Variants in KIF13A observed in about 807,000 individuals in gnomAD.
The protein encoded by KIF13A is kinesin family member 13A, also known as kinesin-like protein KIF13A.
A neutral mutation model predicts 212.2 loss-of-function variants in KIF13A; 79 were observed. The observed-to-expected ratio is 0.37, with a 90% CI of 0.31 to 0.45. The LOEUF (loss-of-function observed/expected upper bound fraction) is 0.45, where lower values mean the gene tolerates loss of function less well. Among genes scored for constraint, KIF13A ranks in the 20% least tolerant of loss-of-function variants. The pLI is 1.00. For missense variants in KIF13A, 1,901 were observed against 2,209.0 expected, an observed-to-expected ratio of 0.86 and a Z score of 2.79; for synonymous variants, 789 against 808.6, an observed-to-expected ratio of 0.98 and a Z score of 0.41.
chr6:17,828,290 A>T lies in KIF13A; in HGVS notation c.1482T>A (p.Ile494=). The part of the protein sequence containing the change: ...GIGIQPQHCE[I]DIASDGDVTL... ...TGACGTCTCCATCAGATGCAATGTC[A>T]ATCTCACAGTGCTGAGGCTGAATTC... is the stretch of plus-strand genomic sequence containing the variant. Residue 494 remains isoleucine, a synonymous_variant, in exon 14 of 39, where the codon ATT becomes ATA. Coordinates refer to ENST00000259711, the MANE Select transcript of KIF13A (RefSeq NM_022113.6). This position sits in a 1 kb window ranked among gnomAD's most constrained non-coding sequence, Gnocchi z 4.3. 1 of 1,610,674 alleles carries T rather than the reference A, an allele frequency of 6.2e-7. No individual in the cohort carries two copies.
chr6:17,773,425 C>T lies in KIF13A; in HGVS notation c.4324+53G>A. 9.5e-7 allele frequency: 1 copy of T among 1,054,494 alleles called. No homozygotes were observed. The allele number at this position is 1,054,494 out of a possible 1,614,324, so 65.3% of individuals were successfully genotyped here. A position where few individuals can be genotyped will look rare whatever the true frequency, so the allele number is the denominator to read the frequency against. ...CATTAATGAAAGACATTTTTTCATA[C>T]TTTTTCTAAGTAATTACAAAGAAAT... On this transcript the variant is annotated intron_variant, in intron 36 of 38. Transcript: ENST00000259711. The surrounding 1 kb of genome is among the most constrained non-coding windows in gnomAD (Gnocchi z 4.2).
Position 17,985,579 on chromosome 6 carries a change from G to A in KIF13A, c.146+1475C>T, listed in dbSNP as rs528478051. On this transcript the variant is annotated intron_variant, in intron 2 of 38. Transcript: ENST00000259711. ...AGTATTCTACCTGTTCCCCCAGACT[G>A]CTTTCAAGAATCTGACCCAACAGAA... Among the ~76,000 whole-genome samples, 11 of 139,440 alleles carry A rather than the reference G, an allele frequency of 7.9e-5. 1 individual carries two copies. In the East Asian group the frequency reaches 2.4e-3, roughly 30 times the overall value. 91.5% of individuals were successfully genotyped at this position (139,440 alleles called of 152,430 possible). A position where few individuals can be genotyped will look rare whatever the true frequency, so the allele number is the denominator to read the frequency against.
intron 2 of KIF13A, among the ~76,000 whole-genome samples, chr6:17,974,709 G>A (rs1013212847): frequency 2.6e-5 from 4 of 152,132 alleles, no homozygotes; most frequent in Admixed American, 1.3e-4. Flanking sequence ...AATTAAGTGA[G>A]AATCTCTGGG....
At chr6:17,862,841 G>A (rs887081484) in intron 4 of KIF13A, among the ~76,000 whole-genome samples, 4 of 152,106 alleles carry the variant, frequency 2.6e-5, no homozygotes, top group African/African-American at 9.7e-5. Context: ...CCAGCTACTC[G>A]GGAGGCTGAG....
In KIF13A at chr6:17,794,106, GA is replaced by G; in HGVS notation, c.3222+142del. On this transcript the variant is annotated intron_variant, in intron 25 of 38. Transcript: ENST00000259711. This position sits in a 1 kb window ranked among gnomAD's most constrained non-coding sequence, Gnocchi z 4.1. ...ACTAAGCAAACAGATTTTAAAGCTA[GA>G]AAAAAGGCAATGGATGGAAATGTGA... The G allele has an allele frequency of 1.7e-6, 1 of 591,058 alleles. No homozygotes were observed. Among genetic ancestry groups the G allele is most frequent in the South Asian group, 3.1e-5 (1 of 32,308 alleles). 36.6% of individuals were successfully genotyped at this position (591,058 alleles called of 1,614,324 possible).
In KIF13A at chr6:17,764,648, G is replaced by A. The variant is rs541281370; in HGVS notation, c.4880C>T (p.Thr1627Met). The A allele has an allele frequency of 6.8e-6, 11 of 1,609,876 alleles. No homozygotes were observed. The highest frequency in any genetic ancestry group is 6.8e-5 in the African/African-American group (5 of 73,524). ...GTGCTCGGTGGAGTCTGCATCCTTC[G>A]TCTGAATGGCCAGCTGGTCTGAGCT... The part of the protein sequence containing the change: ...SDSSDQLAIQ[T>M]KDADSTEHST... Residue 1627 changes from threonine to methionine, a missense_variant, in exon 39 of 39, where the codon ACG (threonine) becomes ATG (methionine). Thr to Met is a moderately conservative substitution (Grantham distance 81). Around this residue, in one of 5 missense-constraint regions of KIF13A, gnomAD observed 687 missense variants for 759.1 expected, o/e 0.90. Transcript: ENST00000259711. This position sits in a 1 kb window ranked among gnomAD's most constrained non-coding sequence, Gnocchi z 5.1.
At chr6:17,815,533 G>A in intron 17 of KIF13A, 1 of 355,174 alleles carries the variant, frequency 2.8e-6, no homozygotes, top group South Asian at 2.2e-5. Flanking sequence ...GCCCTCTAGT[G>A]GCCCTGTTTG....
At position 17,817,093 on chromosome 6, in the gene KIF13A, T is replaced by G. The variant is rs751158530; in HGVS notation, c.1927A>C (p.Ser643Arg). ...TAGGCCAGGCGGTCAGGGCCGCTAC[T>G]CTGTGGCTGCCTGTCGGGGGAGAGC... ...QQLSPDRQPQ[S>R]SGPDRLAYSS... Residue 643 changes from serine to arginine, a missense_variant, in exon 17 of 39, where the codon AGT (serine) becomes CGT (arginine). Coordinates refer to ENST00000259711, the MANE Select transcript of KIF13A (RefSeq NM_022113.6). The G allele has an allele frequency of 7.4e-6, 12 of 1,613,858 alleles. No homozygotes were observed. The highest frequency in any genetic ancestry group is 1.7e-4 in the Middle Eastern group (1 of 6,058).
chr6:17,970,916 A>C lies in KIF13A; in HGVS notation c.146+16138T>G, dbSNP rs187172788. The stretch of plus-strand genomic sequence containing the variant: ...TCTATCAAAACAGTGCAAAAAGCAA[A>C]TAAGAGATTTCCAAGGGAAAAGCTG... On this transcript the variant is annotated intron_variant, in intron 2 of 38. Coordinates refer to ENST00000259711, the MANE Select transcript of KIF13A (RefSeq NM_022113.6). Among the ~76,000 whole-genome samples, 15 of 152,368 alleles carry C rather than the reference A, an allele frequency of 9.8e-5. No individual in the cohort carries two copies. The East Asian group carries it at 2.9e-3, about 29-fold the overall frequency.
At chr6:17,948,747 G>C (rs1777622328) in intron 2 of KIF13A, among the ~76,000 whole-genome samples, 1 of 151,648 alleles carries the variant, frequency 6.6e-6, no homozygotes, top group Non-Finnish European at 1.5e-5. Flanking sequence ...TTTTTGTAGA[G>C]ATGGGGTTTC....
intron 2 of KIF13A, among the ~76,000 whole-genome samples, chr6:17,975,290 T>C (rs1780246602): frequency 6.6e-6 from 1 of 152,084 alleles, no homozygotes; most frequent in Non-Finnish European, 1.5e-5. Flanking sequence ...GAGGTGAAGG[T>C]TGCAATGAGC....
At chr6:17,957,861 GC>G (rs1187370533) in intron 2 of KIF13A, among the ~76,000 whole-genome samples, 7 of 152,170 alleles carry the variant, frequency 4.6e-5, no homozygotes. Context: ...GTGTCTCATG[GC>G]CAGACAGAGT....
intron 2 of KIF13A, among the ~76,000 whole-genome samples, chr6:17,931,479 C>T (rs1232891988): frequency 6.6e-6 from 1 of 151,418 alleles, no homozygotes; most frequent in East Asian, 1.9e-4. Flanking sequence ...ACCCTAAAAA[C>T]TCACATGTTG....
rs1758813173 is a variant in KIF13A, at chr6:17,764,991, C to G, written c.4582-45G>C. ...GTCAGTCATTAGCTCCTTGTAGCAA[C>G]TGTACTGTTGAGACAAGTTTTAAAT... On this transcript the variant is annotated intron_variant, in intron 38 of 38. Coordinates refer to ENST00000259711, the MANE Select transcript of KIF13A (RefSeq NM_022113.6). This position sits in a 1 kb window ranked among gnomAD's most constrained non-coding sequence, Gnocchi z 5.1. The G allele has an allele frequency of 7.0e-7, 1 of 1,435,948 alleles. No homozygotes were observed. Among genetic ancestry groups the G allele is most frequent in the South Asian group, 1.3e-5 (1 of 74,414 alleles). 89.0% of individuals were successfully genotyped at this position (1,435,948 alleles called of 1,614,324 possible).
At chr6:17,916,723 CACA>C (rs1267591804) in intron 2 of KIF13A, among the ~76,000 whole-genome samples, 1 of 152,118 alleles carries the variant, frequency 6.6e-6, no homozygotes, top group Middle Eastern at 3.2e-3. Flanking sequence ...TTTAGAGATT[CACA>C]ACAACAGGAA....
At chr6:17,955,905 T>C (rs1778317958) in intron 2 of KIF13A, among the ~76,000 whole-genome samples, 1 of 152,252 alleles carries the variant, frequency 6.6e-6, no homozygotes, top group South Asian at 2.1e-4. Flanking sequence ...CACTGTCTTT[T>C]ATATTTAAAG....
Position 17,987,541 on chromosome 6 carries a change from G to T in KIF13A, c.-78C>A. 1 of 786,806 alleles carries T rather than the reference G, an allele frequency of 1.3e-6. No homozygotes were observed. Among genetic ancestry groups the T allele is most frequent in the Non-Finnish European group, 1.6e-6 (1 of 637,330 alleles). The allele number at this position is 786,806 out of a possible 1,614,324, so 48.7% of individuals were successfully genotyped here. ...CCTCACGCGCGGCGCCGCCGCCGCT[G>T]CAGCCGCGCGCCCCTCGAGCGCGGC... On this transcript the variant is annotated 5_prime_UTR_variant, in exon 1 of 39. Transcript: ENST00000259711. The surrounding 1 kb of genome is among the most constrained non-coding windows in gnomAD (Gnocchi z 7.7).
chr6:17,764,988 C>A lies in KIF13A; in HGVS notation c.4582-42G>T. The A allele has an allele frequency of 6.9e-7, 1 of 1,449,870 alleles. No homozygotes were observed. The highest frequency in any genetic ancestry group is 9.4e-7 in the Non-Finnish European group (1 of 1,065,470). The allele number at this position is 1,449,870 out of a possible 1,614,324, so 89.8% of individuals were successfully genotyped here. On this transcript the variant is annotated intron_variant, in intron 38 of 38. Coordinates refer to ENST00000259711, the MANE Select transcript of KIF13A (RefSeq NM_022113.6). The surrounding 1 kb of genome is among the most constrained non-coding windows in gnomAD (Gnocchi z 5.1). The stretch of plus-strand genomic sequence containing the variant: ...AAAGTCAGTCATTAGCTCCTTGTAG[C>A]AACTGTACTGTTGAGACAAGTTTTA...
chr6:17,805,591 C>G lies in KIF13A; in HGVS notation c.2188G>C (p.Ala730Pro). 1 of 1,610,046 alleles carries G rather than the reference C, an allele frequency of 6.2e-7. No individual in the cohort carries two copies. The highest frequency in any genetic ancestry group is 2.2e-5 in the East Asian group (1 of 44,842). Residue 730 changes from alanine (A) to proline (P), a missense_variant, in exon 19 of 39, where the codon GCT (alanine) becomes CCT (proline). Transcript: ENST00000259711. ...TTTCCTTTCCTCCTCACTTGGATAG[C>G]TGGTTCACTCACTATTGCACCTCTC... ...RKRGAIVSEP[A>P]IQVRRKGKST...
Sources: gnomAD v4.1 joint callset for allele counts (sites outside exome capture counted in the v4.1 genomes callset) on GRCh38, gnomAD v4.1.1 for gene constraint, gnomAD v4.1.1 regional missense constraint, Gnocchi (gnomAD v3.1) non-coding constraint, MANE v1.5 for transcripts, NCBI Gene and HGNC (gene_info 2026-07-23, HGNC 2026-07-21) for gene names.